The following SLC15A3 variants were observed in gnomAD, a reference collection of about 807,000 sequenced individuals.
SLC15A3 encodes the protein osteoclast transporter.
In SLC15A3, 39 loss-of-function variants were observed where a neutral mutation model predicts 49.2. The observed-to-expected ratio is 0.79, with a 90% CI of 0.61 to 1.04. The LOEUF is 1.04. Ranked by LOEUF, SLC15A3 falls within the 50% of genes least tolerant of loss-of-function variation. SLC15A3 has a pLI of 0.00. For missense variants in SLC15A3, 758 were observed against 794.8 expected (o/e 0.95, Z 0.56); for synonymous variants, 339 against 367.0 (o/e 0.92, Z 0.87).
Position 60,937,133 on chromosome 11 carries a change from A to T in SLC15A3, c.*86T>A. ...TATTTATGGGAACCATTTCATTCTA[A>T]CAGAATAAACCGAGAAGGAAACCAG... On this transcript the variant is annotated 3_prime_UTR_variant, in exon 8 of 8. Transcript: ENST00000227880. 1 of 1,525,302 alleles carries T rather than the reference A, an allele frequency of 6.6e-7. No homozygotes were observed. 94.5% of individuals were successfully genotyped at this position (1,525,302 alleles called of 1,614,324 possible). A position where few individuals can be genotyped will look rare whatever the true frequency, so the allele number is the denominator to read the frequency against.
chr11:60,948,809 C>T (rs945604885), intron 1 of SLC15A3, among the ~76,000 whole-genome samples: 1 of 152,266 alleles, frequency 6.6e-6, no homozygotes, highest in East Asian at 1.9e-4. Context: ...GTTGATGCCA[C>T]GGGAGGCTCT....
rs374775266 is a variant in SLC15A3 at position 60,937,182 on chromosome 11, C to G, written c.*37G>C. 7 of 1,599,506 alleles carry G rather than the reference C, an allele frequency of 4.4e-6. No homozygotes were observed. Among genetic ancestry groups the G allele is most frequent in the South Asian group, 1.1e-5 (1 of 90,326 alleles). On this transcript the variant is annotated 3_prime_UTR_variant, in exon 8 of 8. Coordinates refer to ENST00000227880, the MANE Select transcript of SLC15A3 (RefSeq NM_016582.3). ...AGAGCTGGGACTGCTGCCGTCTGTC[C>G]GGTAGAGTGAAGCAAGGGGGCTGGA...
At chr11:60,937,843 C>T in intron 7 of SLC15A3, 27 bp downstream of exon 7, 1 of 1,606,014 alleles carries the variant, frequency 6.2e-7, no homozygotes, top group Non-Finnish European at 8.5e-7. Flanking sequence ...CATCCATGTC[C>T]CACTCCTGGG....
At chr11:60,939,368 T>A in intron 6 of SLC15A3, 112 bp downstream of exon 6, 1 of 1,306,430 alleles carries the variant, frequency 7.7e-7, no homozygotes, top group Non-Finnish European at 1.1e-6. Flanking sequence ...AAACACTGCC[T>A]TCCTCCATGC....
chr11:60,945,890 G>C (rs983721204), intron 2 of SLC15A3, among the ~76,000 whole-genome samples: 2 of 152,142 alleles, frequency 1.3e-5, no homozygotes, highest in Admixed American at 1.3e-4. Flanking sequence ...ACTGTCATCC[G>C]CATTGCCAAT....
chr11:60,946,710 T>A lies in SLC15A3; in HGVS notation c.670A>T (p.Ile224Phe), dbSNP rs544936334. ...ATGCTGTAGCCCAGCAGGAAGCTGA[T>A]GTTCTGCTGAATAAACGCCACCACC... ...LLVVAFIQQNISFLLGYSIPV... is the reference protein window; with the variant it reads ...LLVVAFIQQNFSFLLGYSIPV... The change falls in exon 2 of 8, where the codon ATC (isoleucine) becomes TTC (phenylalanine). Residue 224 changes from isoleucine to phenylalanine, a missense_variant. Physicochemically the swap from Ile to Phe is conservative, Grantham distance 21 (BLOSUM62 0). This residue lies in a region of SLC15A3 where 699 missense variants were observed against 706.7 expected (regional missense o/e 0.99). Coordinates refer to ENST00000227880, the MANE Select transcript of SLC15A3 (RefSeq NM_016582.3). The A allele has an allele frequency of 2.5e-6, 4 of 1,614,060 alleles. No individual in the cohort carries two copies. The African/African-American group carries it at 4.0e-5, about 16-fold the overall frequency.
intron 1 of SLC15A3, among the ~76,000 whole-genome samples, chr11:60,950,402 T>C (rs1428824875): frequency 6.6e-6 from 1 of 152,192 alleles, no homozygotes; most frequent in African/African-American, 2.4e-5. Flanking sequence ...CTCTGTAAAA[T>C]GGGCATAATA....
intron 4 of SLC15A3, 168 bp from the exon 5 acceptor site, chr11:60,941,458 GA>G: frequency 1.6e-6 from 1 of 613,366 alleles, no homozygotes; most frequent in Non-Finnish European, 2.7e-6. Context: ...GGATTATGTA[GA>G]GATGGCAAAT....
In SLC15A3 at chr11:60,951,304, G is replaced by C. The variant is rs1590646593; in HGVS notation, c.248C>G (p.Ser83Cys). The change falls in exon 1 of 8, where the codon TCC becomes TGC. Residue 83 changes from serine to cysteine, a missense_variant. By Grantham distance (112) the Ser-to-Cys change is moderately radical. Around this residue, in one of 3 missense-constraint regions of SLC15A3, gnomAD observed 699 missense variants for 706.7 expected, o/e 0.99. Coordinates refer to ENST00000227880, the MANE Select transcript of SLC15A3 (RefSeq NM_016582.3). ...GCCGCCCACGGGCGCCAGCAGGTAG[G>C]AGGCGCCCAGGAATACCAGCGCGGC... is the stretch of plus-strand genomic sequence containing the variant. ...TRAALVFLGASYLLAPVGGWL... is the reference protein window; with the variant it reads ...TRAALVFLGACYLLAPVGGWL... 1 of 1,527,394 alleles carries C rather than the reference G, an allele frequency of 6.5e-7. No individual in the cohort carries two copies. Among genetic ancestry groups the C allele is most frequent in the South Asian group, 1.2e-5 (1 of 81,774 alleles). The allele number at this position is 1,527,394 out of a possible 1,614,324, so 94.6% of individuals were successfully genotyped here.
chr11:60,937,213 GCCTGTTCAGCC>G lies in SLC15A3; in HGVS notation c.1741_*5del. On this transcript the variant is annotated stop_lost and 3_prime_UTR_variant, in exon 8 of 8. Coordinates refer to ENST00000227880, the MANE Select transcript of SLC15A3 (RefSeq NM_016582.3). ...AGTGAAGCAAGGGGGCTGGAATAGG[GCCTGTTCAGCC>G]CCTGTCCCTGCTGAAACGGCTGTGG... is the stretch of plus-strand genomic sequence containing the variant. 6.2e-7 allele frequency: 1 copy of G among 1,612,906 alleles called. No individual in the cohort carries two copies. The highest frequency in any genetic ancestry group is 1.1e-5 in the South Asian group (1 of 91,050).
Position 60,946,537 on chromosome 11 carries a change from C to T in SLC15A3, c.843G>A (p.Ser281=), listed in dbSNP as rs150522108. Residue 281 remains serine (S), a synonymous_variant, in exon 2 of 8, where the codon TCG becomes TCA. Transcript: ENST00000227880. ...NCCPQLWQRH[S]ARDRQCARVL... ...CACCCAGAGCCCCTCCTTACCTGGC[C>T]GAGTGTCGTTGCCACAGCTGGGGGC... The T allele has an allele frequency of 8.2e-4, 1,281 of 1,558,444 alleles. 5 individuals are homozygous for T. In the African/African-American group the frequency reaches 0.015, roughly 19 times the overall value.
intron 1 of SLC15A3, among the ~76,000 whole-genome samples, chr11:60,948,119 A>G (rs762156285): frequency 6.6e-6 from 1 of 152,242 alleles, no homozygotes; most frequent in Non-Finnish European, 1.5e-5. Flanking sequence ...CATTGGGGAA[A>G]AGACAAGTAT....
At position 60,941,248 on chromosome 11, in the gene SLC15A3, GCAC is replaced by G; in HGVS notation, c.1147_1149del (p.Val383del). ...CGGTCCTTCAGAGGGACCAGAATCA[GCAC>G]CACCACAACATTGGCCAGGAGGAGC... On this transcript the variant is annotated inframe_deletion, in exon 5 of 8. Transcript: ENST00000227880. 1 of 1,614,142 alleles carries G rather than the reference GCAC, an allele frequency of 6.2e-7. No individual in the cohort carries two copies. The highest frequency in any genetic ancestry group is 8.5e-7 in the Non-Finnish European group (1 of 1,180,004).
At position 60,951,406 on chromosome 11, in the gene SLC15A3, A is replaced by T. The variant is rs1856919452; in HGVS notation, c.146T>A (p.Phe49Tyr). The change falls in exon 1 of 8, where the codon TTC (phenylalanine) becomes TAC (tyrosine). Residue 49 changes from phenylalanine to tyrosine, a missense_variant. Around this residue, in one of 3 missense-constraint regions of SLC15A3, gnomAD observed 31 missense variants for 58.4 expected, o/e 0.53. Transcript: ENST00000227880. ...LLVEMLERAA[F>Y]FGVTANLVLY... ...CACGAGGTTGGCGGTGACGCCGAAG[A>T]AGGCGGCGCGCTCCAGCATCTCCAC... is the stretch of plus-strand genomic sequence containing the variant. 2.6e-6 allele frequency: 4 copies of T among 1,532,390 alleles called. No individual in the cohort carries two copies. The highest frequency in any genetic ancestry group is 3.5e-6 in the Non-Finnish European group (4 of 1,144,886). 94.9% of individuals were successfully genotyped at this position (1,532,390 alleles called of 1,614,324 possible). A position where few individuals can be genotyped will look rare whatever the true frequency, so the allele number is the denominator to read the frequency against.
In SLC15A3 at chr11:60,951,153, C is replaced by A; in HGVS notation, c.399G>T (p.Glu133Asp). ...FPDGRSSFCG[E>D]MPASPLGPAC... The stretch of plus-strand genomic sequence containing the variant: ...CAGGTCCCAGCGGCGACGCGGGCAT[C>A]TCTCCGCAGAAGGAGCTGCGGCCGT... The change falls in exon 1 of 8, where the codon GAG (glutamate) becomes GAT (aspartate). Residue 133 changes from glutamate (E) to aspartate (D), a missense_variant. Glu to Asp is a conservative substitution (Grantham distance 45). Coordinates refer to ENST00000227880, the MANE Select transcript of SLC15A3 (RefSeq NM_016582.3). 1.3e-6 allele frequency: 2 copies of A among 1,490,116 alleles called. No homozygotes were observed. Among genetic ancestry groups the A allele is most frequent in the African/African-American group, 1.5e-5 (1 of 68,422 alleles). 92.3% of individuals were successfully genotyped at this position (1,490,116 alleles called of 1,614,324 possible).
intron 3 of SLC15A3, chr11:60,942,428 A>T (rs1028254603): frequency 5.7e-6 from 2 of 349,478 alleles, no homozygotes; most frequent in African/African-American, 4.2e-5. Flanking sequence ...AGGGCCCAGC[A>T]CAGGGTAAGC....
chr11:60,939,771 G>A (rs515587), intron 5 of SLC15A3, 133 bp from the exon 6 acceptor site: 432,799 of 1,023,964 alleles, frequency 0.42, 94,993 homozygotes, highest in African/African-American at 0.59. Context: ...GGAAAAGAAT[G>A]CTGGACTGGG....
At position 60,938,001 on chromosome 11, in the gene SLC15A3, G is replaced by A; in HGVS notation, c.1460C>T (p.Ala487Val). The A allele has an allele frequency of 1.9e-6, 3 of 1,613,970 alleles. No homozygotes were observed. Among genetic ancestry groups the A allele is most frequent in the Non-Finnish European group, 2.5e-6 (3 of 1,179,938 alleles). The change falls in exon 7 of 8, where the codon GCC becomes GTC. Residue 487 changes from alanine to valine, a missense_variant. By Grantham distance (64) the Ala-to-Val change is moderately conservative. Around this residue, in one of 3 missense-constraint regions of SLC15A3, gnomAD observed 699 missense variants for 706.7 expected, o/e 0.99. Transcript: ENST00000227880. ...IPGLEFAYSEAPRSMQGAIMG... is the reference protein window; with the variant it reads ...IPGLEFAYSEVPRSMQGAIMG... ...GATGGCGCCCTGCATGGAGCGCGGGGCCTCTGAGTAGGCAAACTCCAGGCC... is the reference window on the plus strand; with the variant it reads ...GATGGCGCCCTGCATGGAGCGCGGGACCTCTGAGTAGGCAAACTCCAGGCC...
At chr11:60,937,582 C>T (rs767853442) in intron 7 of SLC15A3, 91 of 746,004 alleles carry the variant, frequency 1.2e-4, no homozygotes, top group Middle Eastern at 1.2e-3. Flanking sequence ...CAGAAGGGGG[C>T]GTGAAATATA....
Sources: allele counts gnomAD v4.1 joint callset (sites outside exome capture counted in the v4.1 genomes callset), GRCh38; gene constraint gnomAD v4.1.1; regional missense constraint gnomAD v4.1.1; transcripts MANE v1.5; gene names NCBI Gene and HGNC (gene_info 2026-07-23, HGNC 2026-07-21).